Variants in PDE1C observed in about 807,000 individuals in gnomAD.
The protein encoded by PDE1C is phosphodiesterase 1C.
Under a neutral mutation model 93.1 loss-of-function variants are expected in PDE1C, and 62 were observed. That is an observed-to-expected ratio of 0.67 (90% CI 0.54 to 0.82). The LOEUF (loss-of-function observed/expected upper bound fraction) is 0.82, where lower values mean the gene tolerates loss of function less well. Among genes scored for constraint, PDE1C ranks in the 40% least tolerant of loss-of-function variants. PDE1C has a pLI of 0.00. For synonymous variants in PDE1C, 325 were observed against 310.1 expected (o/e 1.05, Z -0.50); for missense variants, 742 against 884.6 (o/e 0.84, Z 2.04).
chr7:32,316,731 T>C (rs1013527713), intron 1 of PDE1C, among the ~76,000 whole-genome samples: 2 of 152,320 alleles, frequency 1.3e-5, no homozygotes, highest in African/African-American at 2.4e-5. Flanking sequence ...TGTATTATCA[T>C]GATAAAAGAA....
At chr7:32,188,980 G>T (rs1381579067) in intron 2 of PDE1C, among the ~76,000 whole-genome samples, 1 of 152,140 alleles carries the variant, frequency 6.6e-6, no homozygotes, top group African/African-American at 2.4e-5. Context: ...CATAACCCAA[G>T]CCTAAAGAGT....
At chr7:31,907,718 A>G (rs1800771492) in intron 2 of PDE1C, among the ~76,000 whole-genome samples, 1 of 152,214 alleles carries the variant, frequency 6.6e-6, no homozygotes, top group South Asian at 2.1e-4. Context: ...TCCCAAAGAT[A>G]TAAGCAGATT....
intron 14 of PDE1C, among the ~76,000 whole-genome samples, chr7:31,822,161 C>A (rs954718332): frequency 1.3e-5 from 2 of 152,038 alleles, no homozygotes; most frequent in African/African-American, 4.8e-5. Flanking sequence ...CATCTCTGTA[C>A]CCTGGGCACC....
chr7:32,002,890 C>G (rs1243877056), intron 2 of PDE1C, among the ~76,000 whole-genome samples: 1 of 152,142 alleles, frequency 6.6e-6, no homozygotes, highest in Non-Finnish European at 1.5e-5. Context: ...TTTGGACTAA[C>G]AGAGTGATAA....
chr7:31,677,337 A>G, the PDE1C span, among the ~76,000 whole-genome samples: 1 of 152,202 alleles, frequency 6.6e-6, no homozygotes, highest in African/African-American at 2.4e-5. Flanking sequence ...CAAAACTTGA[A>G]AAAGAATACA....
intron 1 of PDE1C, among the ~76,000 whole-genome samples, chr7:32,350,182 A>G (rs1484417066): frequency 6.6e-6 from 1 of 152,074 alleles, no homozygotes; most frequent in Non-Finnish European, 1.5e-5. Flanking sequence ...CAATAATATA[A>G]TGAGCCGCCA....
chr7:32,174,488 T>A (rs903591071), intron 2 of PDE1C, among the ~76,000 whole-genome samples: 1 of 151,910 alleles, frequency 6.6e-6, no homozygotes, highest in African/African-American at 2.4e-5. Context: ...GGATATGGTC[T>A]AAAGCATGAG....
intron 1 of PDE1C, among the ~76,000 whole-genome samples, chr7:32,386,174 T>G (rs1199673663): frequency 6.8e-5 from 10 of 146,380 alleles, no homozygotes; most frequent in African/African-American, 2.5e-4. Flanking sequence ...ATCTTGAGGG[T>G]TTTACACTAT....
At chr7:31,632,723 G>C in the PDE1C span, among the ~76,000 whole-genome samples, 5 of 152,036 alleles carry the variant, frequency 3.3e-5, no homozygotes, top group Non-Finnish European at 7.4e-5. Flanking sequence ...TGGTCAGACC[G>C]TCATCCCTAC....
At chr7:31,617,263 T>A in the PDE1C span, among the ~76,000 whole-genome samples, 1 of 14,200 alleles carries the variant, frequency 7.0e-5, no homozygotes, top group Non-Finnish European at 3.4e-4. Flanking sequence ...TAACAACAAT[T>A]TAACTTTGCA....
chr7:32,175,351 T>G (rs1443269195), intron 2 of PDE1C, among the ~76,000 whole-genome samples: 2 of 152,260 alleles, frequency 1.3e-5, no homozygotes, highest in Non-Finnish European at 2.9e-5. Flanking sequence ...TGTAGTCTAT[T>G]AAGTGTGTAA....
At chr7:31,791,455 G>A (rs1220956926) in intron 16 of PDE1C, among the ~76,000 whole-genome samples, 3 of 152,118 alleles carry the variant, frequency 2.0e-5, no homozygotes, top group African/African-American at 7.2e-5. Flanking sequence ...TTCCATTGAT[G>A]TTGATAGTCT....
chr7:31,630,081 G>A, the PDE1C span, among the ~76,000 whole-genome samples: 5 of 151,958 alleles, frequency 3.3e-5, no homozygotes, highest in African/African-American at 1.2e-4. Flanking sequence ...AACAAATACT[G>A]ATTAATTGGG....
intron 2 of PDE1C, among the ~76,000 whole-genome samples, chr7:31,954,851 G>T (rs936647820): frequency 7.2e-5 from 11 of 152,212 alleles, no homozygotes; most frequent in Non-Finnish European, 1.6e-4. Flanking sequence ...TTTGATGGAA[G>T]TGATTAGAAT....
intron 2 of PDE1C, among the ~76,000 whole-genome samples, chr7:31,935,241 A>T (rs1217675375): frequency 1.3e-5 from 2 of 152,152 alleles, no homozygotes; most frequent in Non-Finnish European, 2.9e-5. Context: ...ATATTGACAC[A>T]ACATTCCTTT....
chr7:32,380,025 T>C (rs1305606867), intron 1 of PDE1C, among the ~76,000 whole-genome samples: 1 of 152,138 alleles, frequency 6.6e-6, no homozygotes, highest in Non-Finnish European at 1.5e-5. Context: ...CTGTCTCCTG[T>C]ATTATCAGTT....
intron 3 of PDE1C, among the ~76,000 whole-genome samples, chr7:32,111,088 A>G (rs1020455477): frequency 6.6e-6 from 1 of 152,174 alleles, no homozygotes; most frequent in Non-Finnish European, 1.5e-5. Context: ...AGCTATTCCC[A>G]TCTTAAAAGA....
At chr7:32,231,945 A>G (rs896785201) in intron 1 of PDE1C, among the ~76,000 whole-genome samples, 20 of 140,560 alleles carry the variant, frequency 1.4e-4, no homozygotes, top group African/African-American at 4.9e-4. Flanking sequence ...ATTAAAACAA[A>G]TAAATATGTG....
chr7:32,336,689 C>G (rs967902373), intron 1 of PDE1C, among the ~76,000 whole-genome samples: 5 of 152,184 alleles, frequency 3.3e-5, no homozygotes, highest in African/African-American at 1.2e-4. Context: ...ATTTTGGGAT[C>G]TTAAAATAGT....
Sources: gnomAD v4.1 joint callset for allele counts (sites outside exome capture counted in the v4.1 genomes callset) on GRCh38, gnomAD v4.1.1 for gene constraint, MANE v1.5 for transcripts, NCBI Gene and HGNC (gene_info 2026-07-23, HGNC 2026-07-21) for gene names.